HAVCR1: variants seen among roughly 807,000 people sequenced by gnomAD.
HAVCR1 encodes hepatitis A virus cellular receptor 1.
Under a neutral mutation model 32.0 loss-of-function variants are expected in HAVCR1, and 34 were observed. The ratio of observed to expected loss-of-function variants is 1.06; its 90% confidence interval spans 0.81 to 1.42. The LOEUF (loss-of-function observed/expected upper bound fraction) is 1.42. HAVCR1 is among the 40% of genes most tolerant of loss of function. The pLI is 0.00. For synonymous variants in HAVCR1, 178 were observed against 170.3 expected (o/e 1.05, Z -0.35); for missense variants, 420 against 442.3 (o/e 0.95, Z 0.45).
At chr5:157,046,893 G>A (rs62382456) in intron 5 of HAVCR1, among the ~76,000 whole-genome samples, 36,107 of 151,974 alleles carry the variant, frequency 0.24, 4,700 homozygotes, top group African/African-American at 0.34. Flanking sequence ...ATCATGCTCC[G>A]AAGGCCCCAG....
rs1456606221 is a variant in HAVCR1 at position 157,033,182 on chromosome 5, A to G, written c.953-295T>C. 2.0e-5 allele frequency among the ~76,000 whole-genome samples: 3 copies of G among 152,226 alleles called. No individual in the cohort carries two copies. The South Asian group carries it at 6.2e-4, about 32-fold the overall frequency. On this transcript the variant is annotated intron_variant, in intron 7 of 8. Transcript: ENST00000523175. ...TTTTTTAAAAAAAATGAGTAAGTCC[A>G]AGATCCTTCTGATAGGCTACTGAAC...
Position 157,049,057 on chromosome 5 carries a change from T to C in HAVCR1, c.762A>G (p.Pro254=). Residue 254 remains proline (P), a synonymous_variant, in exon 5 of 9, where the codon CCA becomes CCG. Transcript: ENST00000523175. ...AGTTACCTGTTGTGTAAGAGTACAA[T>C]GGTGAGCTGGTGGGTTCTCTCCTTA... is the stretch of plus-strand genomic sequence containing the variant. ...GAIRREPTSS[P]LYSYTTDGND... 2 of 1,601,092 alleles carry C rather than the reference T, an allele frequency of 1.2e-6. No individual in the cohort carries two copies. Among genetic ancestry groups the C allele is most frequent in the African/African-American group, 1.3e-5 (1 of 74,770 alleles).
At chr5:157,049,597 C>G (rs149316195) in intron 4 of HAVCR1, among the ~76,000 whole-genome samples, 1 of 152,192 alleles carries the variant, frequency 6.6e-6, no homozygotes, top group Non-Finnish European at 1.5e-5. Context: ...TGCCCTACCC[C>G]CTTCACAACA....
At chr5:157,033,818 T>C (rs920842913) in intron 7 of HAVCR1, among the ~76,000 whole-genome samples, 3 of 152,128 alleles carry the variant, frequency 2.0e-5, no homozygotes, top group Non-Finnish European at 4.4e-5. Flanking sequence ...ATCCCAACAC[T>C]TTGGGAGGCA....
upstream of HAVCR1, among the ~76,000 whole-genome samples, chr5:157,062,281 G>A (rs1756506284): frequency 6.6e-6 from 1 of 152,188 alleles, no homozygotes. Context: ...GCTGAGGCAG[G>A]AGAATTGCTC....
Position 157,052,382 on chromosome 5 carries a change from G to C in HAVCR1, c.652C>G (p.Pro218Ala). The change falls in exon 4 of 9, where the codon CCC becomes GCC. Residue 218 changes from proline to alanine, a missense_variant. Pro to Ala is a conservative substitution (Grantham distance 27). Transcript: ENST00000523175. ...TTACCTGGTTCATGGTTCTGCCTGG[G>C]CAAAGGCATTGGAGGAACAAAGGTA... ...VSTFVPPMPL[P>A]RQNHEPVATS... The C allele has an allele frequency of 6.2e-7, 1 of 1,614,118 alleles. No individual in the cohort carries two copies. Among genetic ancestry groups the C allele is most frequent in the Non-Finnish European group, 8.5e-7 (1 of 1,179,966 alleles).
At chr5:157,058,591 G>T (rs1561607678) in intron 1 of HAVCR1, 2 of 152,216 alleles carry the variant, frequency 1.3e-5, no homozygotes, top group Non-Finnish European at 2.9e-5. Flanking sequence ...AAAAAGAAAA[G>T]AAAAGGAAAC....
chr5:157,036,461 AAGAG>A (rs1754540116), intron 7 of HAVCR1, among the ~76,000 whole-genome samples: 1 of 152,224 alleles, frequency 6.6e-6, no homozygotes, highest in African/African-American at 2.4e-5. Flanking sequence ...CCTGTGAGAC[AAGAG>A]AGAAACTCTG....
upstream of HAVCR1, among the ~76,000 whole-genome samples, chr5:157,060,513 A>G (rs1213073277): frequency 6.6e-6 from 1 of 152,188 alleles, no homozygotes; most frequent in Non-Finnish European, 1.5e-5. Context: ...AATCTAAAGT[A>G]GCCAACCAGT....
chr5:157,029,575 T>C lies in HAVCR1; in HGVS notation c.*158A>G. 1 of 1,530,526 alleles carries C rather than the reference T, an allele frequency of 6.5e-7. No homozygotes were observed. Among genetic ancestry groups the C allele is most frequent in the Non-Finnish European group, 8.8e-7 (1 of 1,140,296 alleles). The allele number at this position is 1,530,526 out of a possible 1,614,324, so 94.8% of individuals were successfully genotyped here. ...GAGGTTGACTATACACAGTTTGGAGTGAGAGAGTTACTCTACCCAGTATCA... is the reference window on the plus strand; with the variant it reads ...GAGGTTGACTATACACAGTTTGGAGCGAGAGAGTTACTCTACCCAGTATCA... On this transcript the variant is annotated 3_prime_UTR_variant, in exon 9 of 9. Coordinates refer to ENST00000523175, the MANE Select transcript of HAVCR1 (RefSeq NM_001173393.3).
chr5:157,055,386 T>C lies in HAVCR1; in HGVS notation c.194A>G (p.Asn65Ser), dbSNP rs1756063557. ...CTTCCGATAGGTGACGTGGGTTCCA[T>C]TGGTCCAGACAATGCCATTTTGGCA... ...FTCQNGIVWTNGTHVTYRKDT... is the reference protein window; with the variant it reads ...FTCQNGIVWTSGTHVTYRKDT... The change falls in exon 3 of 9, where the codon AAT (asparagine) becomes AGT (serine). Residue 65 changes from asparagine (N) to serine (S), a missense_variant. Transcript: ENST00000523175. 2.5e-6 allele frequency: 4 copies of C among 1,613,952 alleles called. No individual in the cohort carries two copies. The highest frequency in any genetic ancestry group is 1.3e-5 in the African/African-American group (1 of 75,048).
At chr5:157,049,178 T>C in intron 4 of HAVCR1, 33 bp from the exon 5 acceptor site, 1 of 1,339,698 alleles carries the variant, frequency 7.5e-7, no homozygotes, top group Non-Finnish European at 1.1e-6. Flanking sequence ...ATTGTTCCAT[T>C]TGTGGAGGAA....
intron 5 of HAVCR1, among the ~76,000 whole-genome samples, chr5:157,047,054 C>T (rs1423734388): frequency 6.6e-6 from 1 of 152,094 alleles, no homozygotes; most frequent in Non-Finnish European, 1.5e-5. Context: ...ACTCCCATAT[C>T]CCTGATTATA....
At chr5:157,044,615 GAGA>G (rs1755216325) in intron 5 of HAVCR1, among the ~76,000 whole-genome samples, 1 of 52,658 alleles carries the variant, frequency 1.9e-5, no homozygotes, top group Non-Finnish European at 3.9e-5. Context: ...AAGAAAGAAA[GAGA>G]AAGAAAGAAA....
intron 1 of HAVCR1, 98 bp from the exon 2 acceptor site, chr5:157,058,053 T>C (rs1756330423): frequency 1.2e-6 from 1 of 860,166 alleles, no homozygotes; most frequent in South Asian, 1.4e-5. Context: ...TTTCACCCAG[T>C]TGGTTGATTC....
chr5:157,034,430 T>C (rs550629760), intron 7 of HAVCR1, among the ~76,000 whole-genome samples: 1 of 152,028 alleles, frequency 6.6e-6, no homozygotes, highest in South Asian at 2.1e-4. Flanking sequence ...TTTTCTTCTA[T>C]CTCAGTAAAT....
intron 7 of HAVCR1, 36 bp downstream of exon 7, chr5:157,037,211 C>A (rs369816546): frequency 9.4e-7 from 1 of 1,060,476 alleles, no homozygotes; most frequent in Admixed American, 1.7e-5. Flanking sequence ...TGCTGTACAT[C>A]CCTTGTCCCT....
the HAVCR1 span, among the ~76,000 whole-genome samples, chr5:157,068,655 A>T: frequency 6.1e-5 from 9 of 147,772 alleles, no homozygotes; most frequent in Admixed American, 3.4e-4. Flanking sequence ...TTTTTTTTAC[A>T]TTTTTTTTTT....
rs778900665 is a variant in HAVCR1, at chr5:157,055,224, G to A, written c.356C>T (p.Thr119Ile). The A allele has an allele frequency of 6.4e-7, 1 of 1,561,896 alleles. No individual in the cohort carries two copies. The highest frequency in any genetic ancestry group is 1.4e-5 in the African/African-American group (1 of 73,876). ...ACGTGGCACAATCTCCAATGATACG[G>A]TGATTTTCATGTCATTGAACCACCC... ...HRGWFNDMKI[T>I]VSLEIVPPKV... is the part of the protein sequence containing the mutation. Residue 119 changes from threonine to isoleucine, a missense_variant, in exon 3 of 9, where the codon ACC (threonine) becomes ATC (isoleucine). Physicochemically the swap from Thr to Ile is moderately conservative, Grantham distance 89. Transcript: ENST00000523175.
Sources: gnomAD v4.1 joint callset for allele counts (sites outside exome capture counted in the v4.1 genomes callset) on GRCh38, gnomAD v4.1.1 for gene constraint, MANE v1.5 for transcripts, NCBI Gene and HGNC (gene_info 2026-07-23, HGNC 2026-07-21) for gene names.